Variants in MAPT observed in about 807,000 individuals in gnomAD.
MAPT encodes the protein microtubule associated protein tau, also known as microtubule-associated protein tau.
Under a neutral mutation model 67.9 loss-of-function variants are expected in MAPT, and 34 were observed. The observed-to-expected ratio is 0.50, with a 90% CI of 0.38 to 0.67. MAPT has a LOEUF of 0.67. MAPT is among the 30% of genes least tolerant of loss of function. The pLI, the probability that MAPT is intolerant of heterozygous loss-of-function variation, is 0.00. For missense variants in MAPT, 881 were observed against 1,115.2 expected (o/e 0.79, Z 2.99); for synonymous variants, 456 against 464.5 (o/e 0.98, Z 0.23).
Position 45,990,042 on chromosome 17 carries a change from T to G in MAPT, c.1572T>G (p.Thr524=). The G allele has an allele frequency of 1.9e-6, 3 of 1,614,168 alleles. No homozygotes were observed. In the South Asian group the frequency reaches 3.3e-5, roughly 18 times the overall value. Residue 524 remains threonine, a synonymous_variant, in exon 7 of 13, where the codon ACT becomes ACG. Coordinates refer to ENST00000262410, the MANE Select transcript of MAPT (RefSeq NM_001377265.1). ...ACGTCTCTTCTGTCACTTCCCGAACTGGCAGTTCTGGAGCAAAGGAGATGA... is the reference window on the plus strand; with the variant it reads ...ACGTCTCTTCTGTCACTTCCCGAACGGGCAGTTCTGGAGCAAAGGAGATGA... The part of the protein sequence containing the change: ...PKYVSSVTSR[T]GSSGAKEMKL...
chr17:45,990,065 T>G lies in MAPT; in HGVS notation c.1595T>G (p.Met532Arg). The G allele has an allele frequency of 1.2e-6, 2 of 1,614,174 alleles. No individual in the cohort carries two copies. The highest frequency in any genetic ancestry group is 2.2e-5 in the South Asian group (2 of 91,092). The change falls in exon 7 of 13, where the codon ATG (methionine) becomes AGG (arginine). Residue 532 changes from methionine to arginine, a missense_variant. By Grantham distance (91) the Met-to-Arg change is moderately conservative (BLOSUM62 -1). Coordinates refer to ENST00000262410, the MANE Select transcript of MAPT (RefSeq NM_001377265.1). ...SRTGSSGAKEMKLKGADGKTK... is the reference protein window; with the variant it reads ...SRTGSSGAKERKLKGADGKTK... ...ACTGGCAGTTCTGGAGCAAAGGAGA[T>G]GAAACTCAAGGTAAGGAAACCACCT...
intron 1 of MAPT, among the ~76,000 whole-genome samples, chr17:45,910,406 G>C (rs1015619352): frequency 1.6e-4 from 25 of 152,118 alleles, no homozygotes; most frequent in African/African-American, 5.8e-4. Flanking sequence ...GGCCGGTAGG[G>C]GATTCGAACC....
At position 46,024,161 on chromosome 17, in the gene MAPT, AG is replaced by A. The variant is rs2076701220; in HGVS notation, c.2495del (p.Gly832ValfsTer45). On this transcript the variant is annotated frameshift_variant, in exon 13 of 13. Coordinates refer to ENST00000262410, the MANE Select transcript of MAPT (RefSeq NM_001377265.1). LOFTEE classifies it high-confidence loss of function. ...GAGGTGTCTGCCTCCCTGGCCAAGC[AG>A]GGTTTGTGATCAGGCCCCTGGGGCG... ...ADEVSASLAKQGL is the reference protein window; with the variant it reads ...ADEVSASLAKXGL 1 of 1,613,798 alleles carries A rather than the reference AG, an allele frequency of 6.2e-7. No homozygotes were observed. The highest frequency in any genetic ancestry group is 8.5e-7 in the Non-Finnish European group (1 of 1,179,926).
At chr17:45,929,210 G>GT (rs1347538100) in intron 1 of MAPT, among the ~76,000 whole-genome samples, 1 of 152,128 alleles carries the variant, frequency 6.6e-6, no homozygotes, top group Admixed American at 6.5e-5. Context: ...GAAATTTCAT[G>GT]TTTCATTTCA....
intron 1 of MAPT, among the ~76,000 whole-genome samples, chr17:45,919,339 G>C (rs1413856147): frequency 1.3e-5 from 2 of 148,280 alleles, no homozygotes; most frequent in African/African-American, 4.8e-5. Context: ...CAGATAACCA[G>C]AGGAAGGGGC....
chr17:45,974,445 A>C (rs1219908894), intron 3 of MAPT: 1 of 1,609,024 alleles, frequency 6.2e-7, no homozygotes, highest in Admixed American at 1.7e-5. Flanking sequence ...GCGCAGCCCC[A>C]CACGGAGATC....
At chr17:45,931,810 G>C (rs1335684663) in intron 1 of MAPT, 3 of 152,168 alleles carry the variant, frequency 2.0e-5, no homozygotes, top group Non-Finnish European at 2.9e-5. Flanking sequence ...AAGTAGGCTG[G>C]GTGTGGTGGC....
chr17:46,004,967 G>A (rs1008476973), intron 9 of MAPT, among the ~76,000 whole-genome samples: 1 of 152,126 alleles, frequency 6.6e-6, no homozygotes, highest in Non-Finnish European at 1.5e-5. Flanking sequence ...TGTATTTTTA[G>A]TAGAGACGGG....
At chr17:45,933,025 T>C (rs2066986184) in intron 1 of MAPT, among the ~76,000 whole-genome samples, 1 of 151,780 alleles carries the variant, frequency 6.6e-6, no homozygotes, top group Admixed American at 6.6e-5. Context: ...GAGATTGCAG[T>C]GGGCCAAGAT....
rs10593245 is a variant in MAPT, at chr17:45,895,048, C to CGTGTGTGTGTGTGT, written c.-18+392_-18+405dup. On this transcript the variant is annotated intron_variant, in intron 1 of 12. Transcript: ENST00000262410. ...GACTGCAGCCTTTTGCCGCAATGGGCGTGTGTGTGTGTGTGTGTGTGTGTG... is the reference window on the plus strand; with the variant it reads ...GACTGCAGCCTTTTGCCGCAATGGGCGTGTGTGTGTGTGTGTGTGTGTGTGTGTGTGTGTGTGTG... 15 of 133,482 alleles carry CGTGTGTGTGTGTGT rather than the reference C, an allele frequency of 1.1e-4. No individual in the cohort carries two copies. The South Asian group carries it at 1.4e-3, about 12-fold the overall frequency. The allele number at this position is 133,482 out of a possible 1,614,324, so 8.3% of individuals were successfully genotyped here.
At chr17:45,958,039 G>A (rs1157410926) in intron 1 of MAPT, among the ~76,000 whole-genome samples, 1 of 152,178 alleles carries the variant, frequency 6.6e-6, no homozygotes, top group Non-Finnish European at 1.5e-5. Context: ...TTCACCTGGG[G>A]AAGAGGGCAG....
chr17:46,023,508 G>A (rs1475868169), intron 12 of MAPT, among the ~76,000 whole-genome samples: 3 of 152,236 alleles, frequency 2.0e-5, no homozygotes, highest in East Asian at 3.8e-4. Flanking sequence ...GTCAGGGAAG[G>A]AGTGGGCACA....
intron 1 of MAPT, among the ~76,000 whole-genome samples, chr17:45,917,674 C>T (rs1360794557): frequency 6.6e-6 from 1 of 152,110 alleles, no homozygotes; most frequent in Non-Finnish European, 1.5e-5. Context: ...GAACAGTTCC[C>T]AATGACAAAT....
At chr17:45,976,479 GCA>G (rs2072368127) in intron 3 of MAPT, 1 of 152,284 alleles carries the variant, frequency 6.6e-6, no homozygotes, top group Non-Finnish European at 1.5e-5. Flanking sequence ...AGAGTTGGGT[GCA>G]TGTGTCTTCA....
intron 1 of MAPT, among the ~76,000 whole-genome samples, chr17:45,924,373 AC>A (rs1161298081): frequency 1.3e-5 from 2 of 152,250 alleles, no homozygotes; most frequent in Non-Finnish European, 2.9e-5. Flanking sequence ...AGCAGGGATG[AC>A]AGGGAGTGCA....
intron 8 of MAPT, among the ~76,000 whole-genome samples, chr17:45,994,997 G>A (rs2074358320): frequency 6.6e-6 from 1 of 151,926 alleles, no homozygotes; most frequent in Admixed American, 6.6e-5. Flanking sequence ...GCAGTGAGCC[G>A]AGATCACGCC....
rs901614475 is a variant in MAPT, at chr17:45,996,340, G to A, written c.1733-59G>A. The A allele has an allele frequency of 5.0e-6, 8 of 1,588,504 alleles. No homozygotes were observed. Among genetic ancestry groups the A allele is most frequent in the Middle Eastern group, 1.7e-4 (1 of 6,056 alleles). ...GGACCCACGGGACAGGCAGCCCCCA[G>A]GGCCTTTTCTGACCCCACCCACTCG... is the stretch of plus-strand genomic sequence containing the variant. On this transcript the variant is annotated intron_variant, in intron 8 of 12. Transcript: ENST00000262410. This position sits in a 1 kb window ranked among gnomAD's most constrained non-coding sequence, Gnocchi z 4.5.
chr17:46,020,666 A>G (rs981046614), intron 12 of MAPT, among the ~76,000 whole-genome samples: 4 of 152,182 alleles, frequency 2.6e-5, no homozygotes, highest in African/African-American at 9.7e-5. Flanking sequence ...GTGGCAGACA[A>G]GAGAAAAGAG....
intron 1 of MAPT, among the ~76,000 whole-genome samples, chr17:45,937,804 G>A (rs1426802374): frequency 6.6e-6 from 1 of 151,998 alleles, no homozygotes; most frequent in Non-Finnish European, 1.5e-5. Flanking sequence ...TAAATAGAAA[G>A]CACTCTGGAG....
Sources: allele counts gnomAD v4.1 joint callset (sites outside exome capture counted in the v4.1 genomes callset), GRCh38; gene constraint gnomAD v4.1.1; non-coding constraint Gnocchi (gnomAD v3.1); transcripts MANE v1.5; gene names NCBI Gene and HGNC (gene_info 2026-07-23, HGNC 2026-07-21).